Variants in CHD2 observed in about 807,000 individuals in gnomAD.
CHD2 encodes the protein ATP-dependent chromatin remodeler CHD2.
Under a neutral mutation model 243.9 loss-of-function variants are expected in CHD2, and 28 were observed. The ratio of observed to expected loss-of-function variants is 0.11; its 90% CI spans 0.09 to 0.16. The LOEUF (loss-of-function observed/expected upper bound fraction) is 0.16, where lower values mean the gene tolerates loss of function less well. Ranked by LOEUF, CHD2 falls within the 10% of genes least tolerant of loss-of-function variation. The pLI, the probability that CHD2 is intolerant of heterozygous loss-of-function variation, is 1.00. For missense variants in CHD2, 1,386 were observed against 2,209.8 expected (o/e 0.63, Z 7.47); for synonymous variants, 775 against 779.0 (o/e 0.99, Z 0.09).
chr15:92,922,539 A>T (rs1020617801), intron 2 of CHD2, among the ~76,000 whole-genome samples: 12 of 152,146 alleles, frequency 7.9e-5, no homozygotes, highest in Admixed American at 5.9e-4. Flanking sequence ...CAGCAGTCCC[A>T]GTTTGCAGTG....
At chr15:92,943,276 C>G (rs2053411306) in intron 9 of CHD2, 1 of 551,234 alleles carries the variant, frequency 1.8e-6, no homozygotes, top group African/African-American at 1.9e-5. Flanking sequence ...TTGGAGTTAA[C>G]TAGCTTATGG....
Position 92,930,379 on chromosome 15 carries a change from C to T in CHD2, c.443+1288C>T, listed in dbSNP as rs115363884. On this transcript the variant is annotated intron_variant, in intron 5 of 38. Transcript: ENST00000394196. ...CAGAAGCCAGCGTTTTTTTCAGTCA[C>T]TGTATAATACATTGCGCTTACTCTG... is the stretch of plus-strand genomic sequence containing the variant. Among the ~76,000 whole-genome samples the T allele has an allele frequency of 4.7e-3, 717 of 152,204 alleles. 11 individuals are homozygous for T. Among genetic ancestry groups the T allele is most frequent in the African/African-American group, 0.016 (670 of 41,520 alleles).
intron 34 of CHD2, among the ~76,000 whole-genome samples, chr15:93,005,733 T>A (rs2054312015): frequency 6.6e-6 from 1 of 152,192 alleles, no homozygotes; most frequent in Non-Finnish European, 1.5e-5. Context: ...GTGAGCTCTC[T>A]GAGGACAAGT....
chr15:92,974,089 G>A (rs1226613281), intron 19 of CHD2: 2 of 152,210 alleles, frequency 1.3e-5, no homozygotes, highest in Non-Finnish European at 2.9e-5. Flanking sequence ...ATCTCAAGTG[G>A]TGATTGTGAG....
intron 2 of CHD2, chr15:92,904,389 A>G: frequency 2.1e-6 from 2 of 951,920 alleles, no homozygotes; most frequent in Non-Finnish European, 2.5e-6. Context: ...CCGTGACGTC[A>G]GACGGCTCCC....
At chr15:92,970,268 C>G (rs2053823574) in intron 17 of CHD2, among the ~76,000 whole-genome samples, 1 of 151,980 alleles carries the variant, frequency 6.6e-6, no homozygotes, top group Non-Finnish European at 1.5e-5. Context: ...ATTGTGTGAT[C>G]TCAGCTCACC....
chr15:92,916,802 T>C (rs921793900), intron 2 of CHD2, among the ~76,000 whole-genome samples: 7 of 152,210 alleles, frequency 4.6e-5, no homozygotes, highest in Non-Finnish European at 4.4e-5. Flanking sequence ...TCTGACCACC[T>C]CGGCCTCCCA....
At chr15:92,979,755 C>T (rs1567150501) in intron 22 of CHD2, among the ~76,000 whole-genome samples, 1 of 151,700 alleles carries the variant, frequency 6.6e-6, no homozygotes, top group African/African-American at 2.4e-5. Flanking sequence ...AGCTACATCT[C>T]CTATAAAGTT....
chr15:92,940,843 TATATATAA>T (rs1203905578), intron 7 of CHD2, among the ~76,000 whole-genome samples: 17,404 of 137,378 alleles, frequency 0.13, 1,402 homozygotes, highest in East Asian at 0.24. Context: ...TATATAAAAA[TATATATAA>T]ATATATAAAT....
At position 92,997,862 on chromosome 15, in the gene CHD2, A is replaced by G. The variant is rs977000582; in HGVS notation, c.3885+459A>G. On this transcript the variant is annotated intron_variant, in intron 30 of 38. Coordinates refer to ENST00000394196, the MANE Select transcript of CHD2 (RefSeq NM_001271.4). The surrounding 1 kb of genome is among the most constrained non-coding windows in gnomAD (Gnocchi z 4.1). ...CCCACAAAATCGAGCCTCCCACCCT[A>G]TCTGTTGCAAGTAGCAAGGCCATGG... is the stretch of plus-strand genomic sequence containing the variant. 2 of 155,872 alleles carry G rather than the reference A, an allele frequency of 1.3e-5. No homozygotes were observed. The allele number at this position is 155,872 out of a possible 1,614,324, so 9.7% of individuals were successfully genotyped here. A position where few individuals can be genotyped will look rare whatever the true frequency, so the allele number is the denominator to read the frequency against.
chr15:92,948,816 G>A, intron 12 of CHD2, 136 bp from the exon 13 acceptor site: 1 of 931,690 alleles, frequency 1.1e-6, no homozygotes, highest in Non-Finnish European at 1.6e-6. Flanking sequence ...TCCAGCCTGG[G>A]TGACAGAGCA....
intron 9 of CHD2, chr15:92,943,289 C>T (rs533505755): frequency 9.1e-5 from 47 of 518,634 alleles, no homozygotes; most frequent in Non-Finnish European, 1.3e-4. Flanking sequence ...GCTTATGGAG[C>T]GTTATTCACA....
Position 93,020,015 on chromosome 15 carries a change from G to A in CHD2, c.4910G>A (p.Arg1637Gln), listed in dbSNP as rs752891322. ...ATCATTCTTTCTTTTCCTGCAGATCGAGGAGACTGGCAGAGGGAAAGAAAG... is the reference window on the plus strand; with the variant it reads ...ATCATTCTTTCTTTTCCTGCAGATCAAGGAGACTGGCAGAGGGAAAGAAAG... Reference protein sequence around the residue: ...PNKRHFSNADRGDWQRERKFN... With the variant: ...PNKRHFSNADQGDWQRERKFN... Residue 1637 changes from arginine to glutamine, a missense_variant, in exon 38 of 39, where the codon CGA becomes CAA. By Grantham distance (43) the Arg-to-Gln change is conservative. This residue lies in a region of CHD2 where 347 missense variants were observed against 341.6 expected (regional missense o/e 1.02). Coordinates refer to ENST00000394196, the MANE Select transcript of CHD2 (RefSeq NM_001271.4). 2.2e-5 allele frequency: 36 copies of A among 1,608,828 alleles called. No individual in the cohort carries two copies. The highest frequency in any genetic ancestry group is 2.9e-5 in the Non-Finnish European group (34 of 1,175,734).
chr15:92,919,439 C>CTGGA (rs1201058776), intron 2 of CHD2, among the ~76,000 whole-genome samples: 2 of 151,952 alleles, frequency 1.3e-5, no homozygotes, highest in East Asian at 3.9e-4. Context: ...GTTGCCCAGG[C>CTGGA]TGGAGTGCAA....
intron 2 of CHD2, among the ~76,000 whole-genome samples, chr15:92,919,583 G>A (rs975556571): frequency 6.6e-6 from 1 of 152,016 alleles, no homozygotes; most frequent in African/African-American, 2.4e-5. Context: ...GTAGAGATGG[G>A]GTTTCACCGT....
rs1596399235 is a variant in CHD2 at position 92,946,040 on chromosome 15, C to T, written c.1201C>T (p.His401Tyr). ...STLGQTDFPA[H>Y]SRKPAPSNEP... ...TAAATTTTTTTTATATGAAATAGCT[C>T]ATAGTCGGAAGCCGGCACCCTCAAA... Residue 401 changes from histidine to tyrosine, a missense_variant and splice_region_variant, in exon 12 of 39, where the codon CAT (histidine) becomes TAT (tyrosine). Coordinates refer to ENST00000394196, the MANE Select transcript of CHD2 (RefSeq NM_001271.4). 1.9e-6 allele frequency: 3 copies of T among 1,574,922 alleles called. No individual in the cohort carries two copies. Among genetic ancestry groups the T allele is most frequent in the Non-Finnish European group, 2.6e-6 (3 of 1,161,532 alleles).
At position 92,979,300 on chromosome 15, in the gene CHD2, T is replaced by C. The variant is rs1567150307; in HGVS notation, c.2876+17T>C. 5 of 1,612,084 alleles carry C rather than the reference T, an allele frequency of 3.1e-6. No homozygotes were observed. Among genetic ancestry groups the C allele is most frequent in the Non-Finnish European group, 3.4e-6 (4 of 1,179,126 alleles). The stretch of plus-strand genomic sequence containing the variant: ...AAGGTCCAAGTAAGTGCCAGGAAGA[T>C]TGGGAGGTAGGCAGAATCAAATTGA... On this transcript the variant is annotated intron_variant, in intron 22 of 38. Transcript: ENST00000394196.
chr15:92,976,947 T>G (rs1451536156), intron 20 of CHD2, among the ~76,000 whole-genome samples: 1 of 151,976 alleles, frequency 6.6e-6, no homozygotes, highest in East Asian at 1.9e-4. Context: ...TTTCTTATGC[T>G]TGTACCATTT....
intron 2 of CHD2, among the ~76,000 whole-genome samples, chr15:92,923,445 A>AG (rs2052997979): frequency 1.3e-5 from 2 of 151,980 alleles, no homozygotes; most frequent in Non-Finnish European, 2.9e-5. Context: ...ATTTTCTTGA[A>AG]GAGATGGGTT....
Sources: allele counts gnomAD v4.1 joint callset (sites outside exome capture counted in the v4.1 genomes callset), GRCh38; gene constraint gnomAD v4.1.1; regional missense constraint gnomAD v4.1.1; non-coding constraint Gnocchi (gnomAD v3.1); transcripts MANE v1.5; gene names NCBI Gene and HGNC (gene_info 2026-07-23, HGNC 2026-07-21).